The following GAS2 variants were observed in gnomAD, a reference collection of about 807,000 sequenced individuals.
GAS2 encodes growth arrest-specific protein 2.
In GAS2, 20 loss-of-function variants were observed where a neutral mutation model predicts 37.5. The ratio of observed to expected loss-of-function variants is 0.53; its 90% CI spans 0.37 to 0.77. The LOEUF (loss-of-function observed/expected upper bound fraction) is 0.77. Ranked by LOEUF, GAS2 falls within the 30% of genes least tolerant of loss-of-function variation. GAS2 has a pLI of 0.00. For synonymous variants in GAS2, 144 were observed against 132.2 expected, an observed-to-expected ratio of 1.09 and a Z score of -0.61; for missense variants, 336 against 373.4, an observed-to-expected ratio of 0.90 and a Z score of 0.82.
chr11:22,636,189 A>G (rs1858818955), intron 1 of GAS2, among the ~76,000 whole-genome samples: 1 of 152,114 alleles, frequency 6.6e-6, no homozygotes, highest in African/African-American at 2.4e-5. Context: ...GAATCTCTAC[A>G]CAGTATTTTG....
intron 7 of GAS2, among the ~76,000 whole-genome samples, chr11:22,782,030 C>CTAATAAATTTA (rs1855579396): frequency 6.6e-6 from 1 of 152,086 alleles, no homozygotes. Flanking sequence ...AAAATGGGGA[C>CTAATAAATTTA]CAAGTTATTT....
At chr11:22,635,136 G>T (rs1490848482) in intron 1 of GAS2, among the ~76,000 whole-genome samples, 2 of 152,168 alleles carry the variant, frequency 1.3e-5, no homozygotes, top group Admixed American at 1.3e-4. Context: ...AGGTACTCTG[G>T]TGTCTCAGGC....
intron 5 of GAS2, among the ~76,000 whole-genome samples, chr11:22,743,773 GAAGAA>G (rs1464211174): frequency 6.6e-6 from 1 of 152,066 alleles, no homozygotes; most frequent in Non-Finnish European, 1.5e-5. Context: ...AAAGCTAGCA[GAAGAA>G]AAGAAATAAC....
At chr11:22,766,377 T>C (rs1053711833) in intron 7 of GAS2, among the ~76,000 whole-genome samples, 2 of 152,180 alleles carry the variant, frequency 1.3e-5, no homozygotes, top group Admixed American at 1.3e-4. Context: ...AGCCTTTATT[T>C]GAATTTAATG....
At chr11:22,809,001 C>T (rs1353726137) in intron 7 of GAS2, among the ~76,000 whole-genome samples, 1 of 152,152 alleles carries the variant, frequency 6.6e-6, no homozygotes, top group Non-Finnish European at 1.5e-5. Flanking sequence ...TGGCTCCAGT[C>T]CAACCTGACT....
chr11:22,665,551 A>G (rs999387744), upstream of GAS2, among the ~76,000 whole-genome samples: 1 of 152,186 alleles, frequency 6.6e-6, no homozygotes, highest in Non-Finnish European at 1.5e-5. Flanking sequence ...AAAATTAAGA[A>G]TAACTATTTT....
At chr11:22,665,843 C>A (rs747729506), upstream of GAS2, among the ~76,000 whole-genome samples, 3 of 152,132 alleles carry the variant, frequency 2.0e-5, no homozygotes, top group African/African-American at 4.8e-5. Context: ...GGGAGTGGGG[C>A]TAGGTAACTC....
At chr11:22,756,036 G>T in intron 7 of GAS2, 83 bp downstream of exon 7, 1 of 929,048 alleles carries the variant, frequency 1.1e-6, no homozygotes, top group East Asian at 2.6e-5. Flanking sequence ...ATAAGAGCAG[G>T]AACTTCCATA....
At chr11:22,754,141 T>C (rs1373071314) in intron 6 of GAS2, among the ~76,000 whole-genome samples, 1 of 152,090 alleles carries the variant, frequency 6.6e-6, no homozygotes, top group Non-Finnish European at 1.5e-5. Context: ...AGTTTTCTCA[T>C]TTTTTGATGA....
intron 3 of GAS2, among the ~76,000 whole-genome samples, chr11:22,698,642 C>G (rs571382679): frequency 6.7e-6 from 1 of 150,072 alleles, no homozygotes; most frequent in Non-Finnish European, 1.5e-5. Context: ...CAAACCGAAT[C>G]CAGCAGCACA....
At chr11:22,738,377 GGAA>G (rs1394233609) in intron 5 of GAS2, among the ~76,000 whole-genome samples, 5 of 152,168 alleles carry the variant, frequency 3.3e-5, no homozygotes, top group Non-Finnish European at 7.4e-5. Context: ...AATAAGCAGA[GGAA>G]GGAACTCTGT....
chr11:22,716,288 T>C (rs993390880), intron 3 of GAS2, among the ~76,000 whole-genome samples: 1 of 151,980 alleles, frequency 6.6e-6, no homozygotes, highest in Non-Finnish European at 1.5e-5. Context: ...TGCCCACTTT[T>C]ACCTCTTATA....
rs945841519 is a variant in GAS2 at position 22,794,305 on chromosome 11, T to G, written c.724-17493T>G. Among the ~76,000 whole-genome samples, 81 of 152,146 alleles carry G rather than the reference T, an allele frequency of 5.3e-4. 1 individual carries two copies. The highest frequency in any genetic ancestry group is 1.6e-4 in the Non-Finnish European group (11 of 68,026). On this transcript the variant is annotated intron_variant, in intron 7 of 7. Coordinates refer to ENST00000454584, the MANE Select transcript of GAS2 (RefSeq NM_001143830.3). ...TCAAAACAGCAAACCTGCTCCTCCT[T>G]TCTTACCCCTTTCCACTCTTATTTT...
chr11:22,758,137 G>A (rs1854151596), intron 7 of GAS2, among the ~76,000 whole-genome samples: 3 of 152,086 alleles, frequency 2.0e-5, no homozygotes, highest in Admixed American at 6.6e-5. Context: ...AATCTCATAG[G>A]TATTGAATTG....
chr11:22,762,293 C>T (rs1854433437), intron 7 of GAS2, among the ~76,000 whole-genome samples: 2 of 152,076 alleles, frequency 1.3e-5, no homozygotes, highest in South Asian at 2.1e-4. Flanking sequence ...TAATAAGGAT[C>T]GTTTGTTCCA....
chr11:22,774,193 C>T (rs990153565), intron 7 of GAS2, among the ~76,000 whole-genome samples: 2 of 152,082 alleles, frequency 1.3e-5, no homozygotes, highest in African/African-American at 4.8e-5. Flanking sequence ...GGGGTTTCAC[C>T]ATGTTGGTCA....
intron 3 of GAS2, among the ~76,000 whole-genome samples, chr11:22,689,889 A>C (rs961213523): frequency 9.2e-5 from 14 of 152,222 alleles, no homozygotes; most frequent in African/African-American, 3.4e-4. Flanking sequence ...TTTGGAGTTC[A>C]GAAAAAATGG....
chr11:22,701,038 G>C (rs78429568), intron 3 of GAS2, among the ~76,000 whole-genome samples: 4,896 of 152,196 alleles, frequency 0.032, 245 homozygotes, highest in African/African-American at 0.11. Context: ...TATCAGAGCA[G>C]CTAATTGCTG....
chr11:22,809,789 C>T (rs186429051), intron 7 of GAS2, among the ~76,000 whole-genome samples: 101 of 152,110 alleles, frequency 6.6e-4, no homozygotes, highest in East Asian at 4.1e-3. Flanking sequence ...CCACCACGCC[C>T]GACCATATTT....
Sources: gnomAD v4.1 joint callset for allele counts (sites outside exome capture counted in the v4.1 genomes callset) on GRCh38, gnomAD v4.1.1 for gene constraint, MANE v1.5 for transcripts, NCBI Gene and HGNC (gene_info 2026-07-23, HGNC 2026-07-21) for gene names.